The following UNC79 variants were observed in gnomAD, a reference collection of about 807,000 sequenced individuals.
UNC79 encodes the protein protein unc-79 homolog.
In UNC79, 37 loss-of-function variants were observed where a neutral mutation model predicts 283.1. The observed-to-expected ratio is 0.13, with a 90% CI of 0.10 to 0.17. The LOEUF (loss-of-function observed/expected upper bound fraction) is 0.17. Among genes scored for constraint, UNC79 ranks in the 10% least tolerant of loss-of-function variants. The pLI is 1.00. For missense variants in UNC79, 2,272 were observed against 3,211.1 expected (o/e 0.71, Z 7.07); for synonymous variants, 1,107 against 1,200.2 (o/e 0.92, Z 1.61).
chr14:93,612,756 G>GT (rs1187082483), intron 26 of UNC79, 41 bp from the exon 28 acceptor site: 1 of 1,595,888 alleles, frequency 6.3e-7, no homozygotes, highest in East Asian at 2.2e-5. Context: ...CACTTCACTT[G>GT]TGAGTGAGCC....
At chr14:93,682,000 C>G (rs889812218) in intron 41 of UNC79, among the ~76,000 whole-genome samples, 4 of 152,176 alleles carry the variant, frequency 2.6e-5, no homozygotes, top group Non-Finnish European at 5.9e-5. Context: ...TCTTGAAGAG[C>G]TCACAGCAGG....
chr14:93,646,743 C>T, intron 35 of UNC79, 97 bp downstream of exon 38: 3 of 1,360,126 alleles, frequency 2.2e-6, no homozygotes, highest in Non-Finnish European at 2.1e-6. Flanking sequence ...GGTGCAGTGG[C>T]TCGCGTCTGT....
chr14:93,581,073 T>C (rs1228669855), intron 19 of UNC79, among the ~76,000 whole-genome samples: 1 of 152,092 alleles, frequency 6.6e-6, no homozygotes, highest in Admixed American at 6.5e-5. Flanking sequence ...TTGCCATACC[T>C]TGCTGTCTGT....
chr14:93,697,141 TA>T (rs1250438468), intron 47 of UNC79, among the ~76,000 whole-genome samples: 1 of 152,154 alleles, frequency 6.6e-6, no homozygotes, highest in Admixed American at 6.6e-5. Context: ...TTTTTATTTT[TA>T]TTTTTTTTCC....
At chr14:93,643,665 G>C (rs188210962) in exon 34 of UNC79, 1 of 1,612,976 alleles carries the variant, frequency 6.2e-7, no homozygotes, top group Admixed American at 1.7e-5. Context: ...TGGCAGCCCC[G>C]CTGCTGCTGG....
chr14:93,596,397 G>T (rs2065083963), intron 23 of UNC79, among the ~76,000 whole-genome samples: 1 of 152,216 alleles, frequency 6.6e-6, no homozygotes, highest in South Asian at 2.1e-4. Flanking sequence ...CACTTTGGGA[G>T]GCCAAAGCAG....
chr14:93,544,693 G>A (rs2061520074), intron 14 of UNC79, among the ~76,000 whole-genome samples: 2 of 152,208 alleles, frequency 1.3e-5, no homozygotes, highest in Non-Finnish European at 2.9e-5. Flanking sequence ...GAGATCTGCA[G>A]AGGAGAACAA....
rs1486660548 is a variant in UNC79, at chr14:93,621,798, G to T, written c.4565G>T (p.Cys1522Phe). ...TTAGACGAACATCGTAGGAAGTCGTGCATAGATCGGTGTGACATAGAGAAG... is the reference window on the plus strand; with the variant it reads ...TTAGACGAACATCGTAGGAAGTCGTTCATAGATCGGTGTGACATAGAGAAG... The change falls in exon 30 of 49, where the codon TGC (cysteine) becomes TTC (phenylalanine). Residue 1522 changes from cysteine to phenylalanine, a missense_variant. Cys to Phe is a radical substitution (Grantham distance 205). Around this residue, in one of 11 missense-constraint regions of UNC79, gnomAD observed 580 missense variants for 632.2 expected, o/e 0.92. Coordinates refer to ENST00000555664, the Ensembl canonical transcript of UNC79. This position sits in a 1 kb window ranked among gnomAD's most constrained non-coding sequence, Gnocchi z 4.8. 6.2e-7 allele frequency: 1 copy of T among 1,614,008 alleles called. No individual in the cohort carries two copies.
chr14:93,437,588 G>A (rs1474528226), intron 1 of UNC79: 1 of 152,214 alleles, frequency 6.6e-6, no homozygotes, highest in Admixed American at 6.6e-5. Flanking sequence ...AGACTAGGTG[G>A]TGTAAAACAA....
intron 1 of UNC79, among the ~76,000 whole-genome samples, chr14:93,357,936 GATATATGGAGATATATATCT>G (rs1336545001): frequency 0.017 from 317 of 19,212 alleles, 3 homozygotes; most frequent in African/African-American, 0.11. Context: ...GATATATATG[GATATATGGAGATATATATCT>G]ATATATATCC....
intron 1 of UNC79, among the ~76,000 whole-genome samples, chr14:93,344,584 C>T (rs908052604): frequency 2.0e-5 from 3 of 152,188 alleles, no homozygotes; most frequent in Admixed American, 6.5e-5. Context: ...TCCCAAGTTA[C>T]AACATCCATC....
At chr14:93,663,429 A>G (rs1007492132) in intron 40 of UNC79, among the ~76,000 whole-genome samples, 1 of 152,128 alleles carries the variant, frequency 6.6e-6, no homozygotes, top group African/African-American at 2.4e-5. Context: ...TCAATTTCCT[A>G]ATTTTCCAAG....
chr14:93,581,796 G>C (rs1267967695), intron 19 of UNC79, among the ~76,000 whole-genome samples: 2 of 152,054 alleles, frequency 1.3e-5, no homozygotes, highest in Non-Finnish European at 2.9e-5. Context: ...CCGGCCATTT[G>C]CATCTTAATA....
At chr14:93,670,237 G>T (rs936610722) in intron 40 of UNC79, among the ~76,000 whole-genome samples, 1 of 152,170 alleles carries the variant, frequency 6.6e-6, no homozygotes, top group Non-Finnish European at 1.5e-5. Flanking sequence ...CTGCAGAATA[G>T]ACTCATTTCT....
chr14:93,672,828 A>G (rs1329323032), intron 40 of UNC79, among the ~76,000 whole-genome samples: 2 of 152,216 alleles, frequency 1.3e-5, no homozygotes, highest in African/African-American at 2.4e-5. Context: ...GAAAGAAGCT[A>G]GGATTCCAAA....
At chr14:93,667,027 C>T (rs1165616385) in intron 40 of UNC79, among the ~76,000 whole-genome samples, 1 of 151,920 alleles carries the variant, frequency 6.6e-6, no homozygotes, top group Non-Finnish European at 1.5e-5. Flanking sequence ...TTGCTTAAAC[C>T]CAGGAGTTTG....
rs538834062 is a variant in UNC79, at chr14:93,435,878, C to T, written c.22+4827C>T. 1.4e-4 allele frequency among the ~76,000 whole-genome samples: 22 copies of T among 152,276 alleles called. No homozygotes were observed. In the East Asian group the frequency reaches 3.1e-3, roughly 21 times the overall value. On this transcript the variant is annotated intron_variant, in intron 1 of 48. Coordinates refer to ENST00000555664, the Ensembl canonical transcript of UNC79. Reference sequence around the variant, plus strand: ...CCTGAAATGTTTTCTTCCCCCTCATCGTCTTGGCCTGTCTAATGCCTACTT... The same window carrying T: ...CCTGAAATGTTTTCTTCCCCCTCATTGTCTTGGCCTGTCTAATGCCTACTT...
chr14:93,585,825 G>A (rs891510581), intron 20 of UNC79, among the ~76,000 whole-genome samples: 4 of 151,342 alleles, frequency 2.6e-5, no homozygotes, highest in Non-Finnish European at 5.9e-5. Context: ...CTTTTTGTGA[G>A]AATCCATGGG....
At chr14:93,398,041 T>C (rs919709258) in intron 1 of UNC79, among the ~76,000 whole-genome samples, 1 of 152,218 alleles carries the variant, frequency 6.6e-6, no homozygotes, top group Non-Finnish European at 1.5e-5. Context: ...AGTTTTCTCT[T>C]TCCTTTTATG....
Sources: gnomAD v4.1 joint callset for allele counts (sites outside exome capture counted in the v4.1 genomes callset) on GRCh38, gnomAD v4.1.1 for gene constraint, gnomAD v4.1.1 regional missense constraint, Gnocchi (gnomAD v3.1) non-coding constraint, MANE v1.5 for transcripts, NCBI Gene and HGNC (gene_info 2026-07-23, HGNC 2026-07-21) for gene names.